Variants in CALCR observed in about 807,000 individuals in gnomAD.
The protein encoded by CALCR is calcitonin receptor.
In CALCR, 47 loss-of-function variants were observed where a neutral mutation model predicts 59.5. The observed-to-expected ratio is 0.79, with a 90% CI of 0.63 to 1.01. The LOEUF is 1.01. Among genes scored for constraint, CALCR ranks in the 50% least tolerant of loss-of-function variants. The pLI is 0.00. For synonymous variants in CALCR, 213 were observed against 211.3 expected, an observed-to-expected ratio of 1.01 and a Z score of -0.07; for missense variants, 566 against 597.1, an observed-to-expected ratio of 0.95 and a Z score of 0.54.
intron 2 of CALCR, among the ~76,000 whole-genome samples, chr7:93,565,335 A>G (rs994639283): frequency 6.6e-6 from 1 of 152,254 alleles, no homozygotes; most frequent in African/African-American, 2.4e-5. Context: ...AATGCTAGAG[A>G]TGCCTCTTTA....
At chr7:93,537,076 G>C (rs1464180973) in intron 2 of CALCR, among the ~76,000 whole-genome samples, 1 of 131,018 alleles carries the variant, frequency 7.6e-6, no homozygotes, top group South Asian at 2.6e-4. Context: ...CTATTCTTGC[G>C]ACTTTTTTGT....
rs1799776500 is a variant in CALCR at position 93,436,273 on chromosome 7, C to A, written c.931-103G>T. The A allele has an allele frequency of 5.5e-6, 5 of 908,068 alleles. No individual in the cohort carries two copies. In the Admixed American group the frequency reaches 6.3e-5, roughly 11 times the overall value. The allele number at this position is 908,068 out of a possible 1,614,324, so 56.3% of individuals were successfully genotyped here. A position where few individuals can be genotyped will look rare whatever the true frequency, so the allele number is the denominator to read the frequency against. Reference sequence around the variant, plus strand: ...TATCCAGTGTGAGCAACAAATGTTACCTACATAGAACATGAGAGTCTACCT... The same window carrying A: ...TATCCAGTGTGAGCAACAAATGTTAACTACATAGAACATGAGAGTCTACCT... On this transcript the variant is annotated intron_variant, in intron 11 of 13. Transcript: ENST00000426151.
intron 2 of CALCR, among the ~76,000 whole-genome samples, chr7:93,544,367 A>G (rs62468280): frequency 2.0e-5 from 3 of 152,138 alleles, no homozygotes; most frequent in East Asian, 1.9e-4. Flanking sequence ...TACTAATTAC[A>G]TTAATTTACA....
At chr7:93,434,107 G>C (rs2115681775) in intron 13 of CALCR, 146 bp downstream of exon 13, 4 of 678,168 alleles carry the variant, frequency 5.9e-6, no homozygotes, top group South Asian at 5.1e-5. Flanking sequence ...GCTTGGAGTA[G>C]TGGAAAAAAC....
At chr7:93,498,331 C>A (rs1801253032) in intron 2 of CALCR, among the ~76,000 whole-genome samples, 1 of 151,528 alleles carries the variant, frequency 6.6e-6, no homozygotes. Flanking sequence ...GGTCAGGCAA[C>A]ATTAATAAAC....
intron 8 of CALCR, among the ~76,000 whole-genome samples, chr7:93,445,580 C>T (rs997031981): frequency 6.6e-6 from 1 of 152,050 alleles, no homozygotes; most frequent in African/African-American, 2.4e-5. Flanking sequence ...AATACTGAGC[C>T]ATTGCTTCTA....
At chr7:93,573,959 C>T (rs1369171508) in intron 2 of CALCR, among the ~76,000 whole-genome samples, 1 of 152,148 alleles carries the variant, frequency 6.6e-6, no homozygotes. Context: ...CTTTAACCTC[C>T]GTAATTTTCC....
At position 93,523,754 on chromosome 7, in the gene CALCR, A is replaced by G. The variant is rs554398633; in HGVS notation, c.-26-36747T>C. ...TTTTCTATTTTTATAAGTATAAACT[A>G]TGCTATTGAAATAAAATTCGGGTCA... On this transcript the variant is annotated intron_variant, in intron 2 of 13. Coordinates refer to ENST00000426151, the MANE Select transcript of CALCR (RefSeq NM_001742.4). Among the ~76,000 whole-genome samples, 109 of 152,258 alleles carry G rather than the reference A, an allele frequency of 7.2e-4. 1 individual carries two copies. The South Asian group carries it at 0.02, about 28-fold the overall frequency.
At chr7:93,438,496 T>A (rs375482564) in intron 9 of CALCR, among the ~76,000 whole-genome samples, 1 of 152,204 alleles carries the variant, frequency 6.6e-6, no homozygotes, top group African/African-American at 2.4e-5. Context: ...AGCATCCAAA[T>A]AATTAAAAGC....
intron 8 of CALCR, among the ~76,000 whole-genome samples, chr7:93,450,274 C>T (rs1381684472): frequency 6.6e-6 from 1 of 151,958 alleles, no homozygotes; most frequent in Non-Finnish European, 1.5e-5. Context: ...TCTGTCAGAC[C>T]TCTTAAAGTA....
chr7:93,487,962 TC>T (rs10719420), intron 2 of CALCR, among the ~76,000 whole-genome samples: 60,768 of 151,120 alleles, frequency 0.4, 12,898 homozygotes, highest in South Asian at 0.49. Flanking sequence ...ATCATCAGAT[TC>T]TCCAAGGTTG....
intron 8 of CALCR, among the ~76,000 whole-genome samples, chr7:93,446,807 C>G (rs80167626): frequency 0.022 from 3,354 of 151,990 alleles, 77 homozygotes; most frequent in Middle Eastern, 0.041. Context: ...ATAAGTCACA[C>G]CAGTGTAATT....
chr7:93,448,392 C>G (rs1197011679), intron 8 of CALCR, among the ~76,000 whole-genome samples: 1 of 151,954 alleles, frequency 6.6e-6, no homozygotes, highest in African/African-American at 2.4e-5. Context: ...TTCCTATATT[C>G]TGCCAGGATT....
At chr7:93,543,715 T>G (rs1176981115) in intron 2 of CALCR, among the ~76,000 whole-genome samples, 1 of 152,168 alleles carries the variant, frequency 6.6e-6, no homozygotes, top group Non-Finnish European at 1.5e-5. Context: ...TTTGGGATCA[T>G]ACTGTAACTA....
chr7:93,544,252 A>T (rs1789224519), intron 2 of CALCR, among the ~76,000 whole-genome samples: 1 of 152,144 alleles, frequency 6.6e-6, no homozygotes, highest in Non-Finnish European at 1.5e-5. Flanking sequence ...AAAATGGAAG[A>T]AGGGTTAAAA....
At chr7:93,504,887 G>T (rs923220563) in intron 2 of CALCR, among the ~76,000 whole-genome samples, 3 of 152,080 alleles carry the variant, frequency 2.0e-5, no homozygotes, top group Non-Finnish European at 4.4e-5. Context: ...CAAGACTTAT[G>T]CAAGAATCTT....
At chr7:93,434,763 A>G (rs1366029024) in intron 12 of CALCR, among the ~76,000 whole-genome samples, 2 of 152,186 alleles carry the variant, frequency 1.3e-5, no homozygotes, top group African/African-American at 4.8e-5. Flanking sequence ...TCGCTCAGAT[A>G]AGGACATGGA....
Position 93,506,010 on chromosome 7 carries a change from C to A in CALCR, c.-26-19003G>T, listed in dbSNP as rs532814729. Reference sequence around the variant, plus strand: ...GTAAATCAGATATTGCTTTGTCAAGCCTGTCTCTAAAATCCGGTGTACTCC... The same window carrying A: ...GTAAATCAGATATTGCTTTGTCAAGACTGTCTCTAAAATCCGGTGTACTCC... On this transcript the variant is annotated intron_variant, in intron 2 of 13. Coordinates refer to ENST00000426151, the MANE Select transcript of CALCR (RefSeq NM_001742.4). Among the ~76,000 whole-genome samples, 8 of 152,280 alleles carry A rather than the reference C, an allele frequency of 5.3e-5. No individual in the cohort carries two copies. In the South Asian group the frequency reaches 1.7e-3, roughly 32 times the overall value.
At chr7:93,439,922 C>A (rs111816809) in intron 9 of CALCR, among the ~76,000 whole-genome samples, 2 of 152,032 alleles carry the variant, frequency 1.3e-5, no homozygotes, top group Admixed American at 1.3e-4. Context: ...CTAAGTGGTG[C>A]CATGCAGACT....
Sources: allele counts gnomAD v4.1 joint callset (sites outside exome capture counted in the v4.1 genomes callset), GRCh38; gene constraint gnomAD v4.1.1; transcripts MANE v1.5; gene names NCBI Gene and HGNC (gene_info 2026-07-23, HGNC 2026-07-21).